CEP63: variants seen among roughly 807,000 people sequenced by gnomAD.
CEP63 encodes centrosomal protein 63.
Under a neutral mutation model 89.1 loss-of-function variants are expected in CEP63, and 84 were observed. The observed-to-expected ratio is 0.94, with a 90% CI of 0.79 to 1.13. CEP63 has a LOEUF of 1.13. CEP63 is among the 50% of genes most tolerant of loss of function. The pLI is 0.00. For synonymous variants in CEP63, 267 were observed against 272.5 expected, an observed-to-expected ratio of 0.98 and a Z score of 0.20; for missense variants, 838 against 813.3, an observed-to-expected ratio of 1.03 and a Z score of -0.37.
At chr3:134,615,292 C>T in the CEP63 span, 1 of 149,420 alleles carries the variant, frequency 6.7e-6, no homozygotes, top group Admixed American at 6.7e-5. Context: ...GGACACACAG[C>T]TAGCCAGTGG....
At chr3:134,707,384 G>C in the CEP63 span, among the ~76,000 whole-genome samples, 1 of 152,180 alleles carries the variant, frequency 6.6e-6, no homozygotes, top group Non-Finnish European at 1.5e-5. Context: ...AGGCTACCAG[G>C]AGTACAAGGT....
rs748584464 is a variant in CEP63, at chr3:134,546,292, A to G, written c.929+4A>G. ...AACATGCTGTAGAAGCTATAAGGTA[A>G]ATTTAATCTTAAATATTATTCATCT... On this transcript the variant is annotated splice_donor_region_variant and intron_variant, in intron 8 of 14. Coordinates refer to ENST00000675561, the MANE Select transcript of CEP63 (RefSeq NM_001353108.3). 6.2e-6 allele frequency: 10 copies of G among 1,611,890 alleles called. No homozygotes were observed. The highest frequency in any genetic ancestry group is 1.3e-5 in the African/African-American group (1 of 74,872).
At chr3:134,645,903 C>T in the CEP63 span, among the ~76,000 whole-genome samples, 5 of 152,180 alleles carry the variant, frequency 3.3e-5, no homozygotes, top group Non-Finnish European at 2.9e-5. Context: ...ATCAGAAACC[C>T]GGAAGATGGT....
At chr3:134,738,602 C>T in the CEP63 span, among the ~76,000 whole-genome samples, 3 of 151,828 alleles carry the variant, frequency 2.0e-5, no homozygotes, top group East Asian at 3.9e-4. Context: ...ATACAACAGA[C>T]TTTGGGGACT....
At chr3:134,559,579 G>C in intron 14 of CEP63, 150 bp downstream of exon 14, 1 of 708,190 alleles carries the variant, frequency 1.4e-6, no homozygotes, top group Non-Finnish European at 2.3e-6. Flanking sequence ...CTGTCATACA[G>C]TTTTTGCTTG....
chr3:134,601,300 G>T, the CEP63 span, among the ~76,000 whole-genome samples: 1 of 152,172 alleles, frequency 6.6e-6, no homozygotes, highest in African/African-American at 2.4e-5. Context: ...TTGAGGGGCG[G>T]GGCCTCCCTC....
At chr3:134,599,808 G>A in the CEP63 span, among the ~76,000 whole-genome samples, 1 of 152,250 alleles carries the variant, frequency 6.6e-6, no homozygotes, top group Middle Eastern at 3.4e-3. Context: ...CATTCAACTG[G>A]CTGGGACATT....
downstream of CEP63, among the ~76,000 whole-genome samples, chr3:134,590,642 A>G (rs1205677940): frequency 1.3e-5 from 2 of 152,204 alleles, no homozygotes; most frequent in Admixed American, 6.5e-5. Flanking sequence ...AATACTTGGC[A>G]TTTACATTAT....
chr3:134,561,685 T>A lies in CEP63; in HGVS notation c.*150T>A, dbSNP rs1957362808. 1 of 1,460,780 alleles carries A rather than the reference T, an allele frequency of 6.8e-7. No homozygotes were observed. The highest frequency in any genetic ancestry group is 1.5e-5 in the South Asian group (1 of 68,848). The allele number at this position is 1,460,780 out of a possible 1,614,324, so 90.5% of individuals were successfully genotyped here. On this transcript the variant is annotated 3_prime_UTR_variant, in exon 15 of 15. Transcript: ENST00000675561. ...GTGAAGAAAGCTGAAAAACTGATAC[T>A]TTTGATAGGCATTTTCTCTGCACTG...
At chr3:134,541,340 C>G (rs1215415003) in intron 6 of CEP63, among the ~76,000 whole-genome samples, 1 of 151,926 alleles carries the variant, frequency 6.6e-6, no homozygotes, top group Non-Finnish European at 1.5e-5. Context: ...AATGCTTTAT[C>G]ATTTCTTTTT....
chr3:134,619,216 G>A, the CEP63 span: 2 of 1,613,976 alleles, frequency 1.2e-6, no homozygotes, highest in Admixed American at 1.7e-5. Flanking sequence ...GGATGTCAGT[G>A]GGTTTGAAGG....
At chr3:134,502,921 G>A (rs1360414355) in intron 2 of CEP63, among the ~76,000 whole-genome samples, 2 of 151,944 alleles carry the variant, frequency 1.3e-5, no homozygotes, top group Admixed American at 6.6e-5. Flanking sequence ...GGTGTTTAGA[G>A]CTGTAAACTT....
chr3:134,689,721 T>C, the CEP63 span, among the ~76,000 whole-genome samples: 95,851 of 152,046 alleles, frequency 0.63, 31,212 homozygotes, highest in East Asian at 0.91. Context: ...CCCAAAGTGC[T>C]AGGATTACAA....
chr3:134,512,516 T>A (rs1273317914), intron 3 of CEP63, among the ~76,000 whole-genome samples: 3 of 152,290 alleles, frequency 2.0e-5, no homozygotes, highest in Admixed American at 2.0e-4. Flanking sequence ...ATATTTATAC[T>A]TGTCACAGTA....
chr3:134,755,145 G>A, the CEP63 span, among the ~76,000 whole-genome samples: 1 of 152,180 alleles, frequency 6.6e-6, no homozygotes, highest in Non-Finnish European at 1.5e-5. Context: ...ATTTATGGAG[G>A]ATACAGCAGG....
chr3:134,680,750 G>A, the CEP63 span, among the ~76,000 whole-genome samples: 1 of 152,314 alleles, frequency 6.6e-6, no homozygotes, highest in South Asian at 2.1e-4. Flanking sequence ...TATCGAGCTA[G>A]TGGCTCGAAA....
the CEP63 span, among the ~76,000 whole-genome samples, chr3:134,640,963 C>T: frequency 6.6e-6 from 1 of 152,214 alleles, no homozygotes; most frequent in African/African-American, 2.4e-5. Context: ...GCCTCCCAGG[C>T]CCTGCCAACT....
At chr3:134,550,334 C>T (rs1202456438) in intron 11 of CEP63, 74 bp downstream of exon 11, 5 of 1,371,382 alleles carry the variant, frequency 3.6e-6, no homozygotes, top group Non-Finnish European at 5.1e-6. Context: ...ACATAATTTT[C>T]ATAATATTTA....
chr3:134,683,932 T>C, the CEP63 span, among the ~76,000 whole-genome samples: 1 of 152,028 alleles, frequency 6.6e-6, no homozygotes, highest in Non-Finnish European at 1.5e-5. Flanking sequence ...TCTCATGGGT[T>C]AGACCCCAGC....
Sources: allele counts gnomAD v4.1 joint callset (sites outside exome capture counted in the v4.1 genomes callset), GRCh38; gene constraint gnomAD v4.1.1; transcripts MANE v1.5; gene names NCBI Gene and HGNC (gene_info 2026-07-23, HGNC 2026-07-21).